CNTN4: variants seen among roughly 807,000 people sequenced by gnomAD.
The protein encoded by CNTN4 is contactin-4.
CNTN4 carries 77 observed loss-of-function variants against 122.5 expected under a neutral mutation model. The ratio of observed to expected loss-of-function variants is 0.63; its 90% confidence interval spans 0.52 to 0.76. The LOEUF is 0.76. CNTN4 is among the 30% of genes least tolerant of loss of function. The pLI, the probability that CNTN4 is intolerant of heterozygous loss-of-function variation, is 0.00. For missense variants in CNTN4, 1,256 were observed against 1,259.1 expected (o/e 1.00, Z 0.04); for synonymous variants, 512 against 447.0 (o/e 1.15, Z -1.83).
intron 3 of CNTN4, among the ~76,000 whole-genome samples, chr3:2,509,876 C>G (rs1284965348): frequency 1.3e-5 from 2 of 152,182 alleles, no homozygotes; most frequent in African/African-American, 4.8e-5. Flanking sequence ...TATAAAGACT[C>G]TTTCCCCACA....
intron 4 of CNTN4, among the ~76,000 whole-genome samples, chr3:2,576,651 G>A (rs1034402187): frequency 1.3e-5 from 2 of 151,270 alleles, no homozygotes; most frequent in Non-Finnish European, 2.9e-5. Context: ...AGGTTCAAGC[G>A]ATTCTACTGC....
At chr3:2,778,223 A>AATAC (rs1300910138) in intron 6 of CNTN4, among the ~76,000 whole-genome samples, 1 of 148,406 alleles carries the variant, frequency 6.7e-6, no homozygotes, top group Non-Finnish European at 1.5e-5. Context: ...CAAATAAATA[A>AATAC]ATAAATAAAT....
At chr3:2,730,982 G>A (rs200488885) in intron 4 of CNTN4, among the ~76,000 whole-genome samples, 2 of 151,500 alleles carry the variant, frequency 1.3e-5, no homozygotes, top group African/African-American at 4.8e-5. Context: ...ACCCGGCTGC[G>A]GAGAGGTGCT....
chr3:2,960,640 A>T (rs1194611699), intron 13 of CNTN4, among the ~76,000 whole-genome samples: 2 of 152,194 alleles, frequency 1.3e-5, no homozygotes, highest in Admixed American at 6.5e-5. Context: ...AAAGTTCATT[A>T]TATGAAAAAC....
intron 4 of CNTN4, among the ~76,000 whole-genome samples, chr3:2,684,256 A>G (rs934987674): frequency 6.6e-6 from 1 of 152,176 alleles, no homozygotes; most frequent in Non-Finnish European, 1.5e-5. Flanking sequence ...GAGTAAGATG[A>G]ATGAATCCCA....
chr3:2,106,730 C>T (rs1250968223), intron 2 of CNTN4, among the ~76,000 whole-genome samples: 2 of 152,212 alleles, frequency 1.3e-5, no homozygotes, highest in East Asian at 1.9e-4. Context: ...TGTCCTGGCT[C>T]CTCCTTACTT....
chr3:2,493,035 A>G (rs200411942), intron 3 of CNTN4, among the ~76,000 whole-genome samples: 2 of 152,208 alleles, frequency 1.3e-5, no homozygotes, highest in South Asian at 4.1e-4. Flanking sequence ...GGTAGTTCTT[A>G]AAAACAGCTG....
chr3:2,525,514 C>G (rs527911919), intron 3 of CNTN4, among the ~76,000 whole-genome samples: 9 of 152,154 alleles, frequency 5.9e-5, no homozygotes, highest in African/African-American at 2.2e-4. Context: ...ATCAAACAAG[C>G]AAGTATTTTA....
chr3:2,862,045 G>C (rs920817316), intron 7 of CNTN4, among the ~76,000 whole-genome samples: 1 of 152,188 alleles, frequency 6.6e-6, no homozygotes, highest in Non-Finnish European at 1.5e-5. Flanking sequence ...GTGTGATCAT[G>C]ATCCACTCAT....
At chr3:2,659,460 C>CAAAAAAAAAAAAAAAAAAAAAAAA (rs59025670) in intron 4 of CNTN4, among the ~76,000 whole-genome samples, 3 of 53,970 alleles carry the variant, frequency 5.6e-5, no homozygotes, top group African/African-American at 1.3e-4. Flanking sequence ...GACTCCATCT[C>CAAAAAAAAAAAAAAAAAAAAAAAA]AAAAAAAAAA....
At chr3:2,777,461 A>G (rs2091369254) in intron 6 of CNTN4, among the ~76,000 whole-genome samples, 1 of 152,240 alleles carries the variant, frequency 6.6e-6, no homozygotes, top group African/African-American at 2.4e-5. Flanking sequence ...GATTTGCTTT[A>G]GCTAATGTAC....
chr3:2,915,898 G>A (rs940444090), intron 12 of CNTN4, among the ~76,000 whole-genome samples: 1 of 152,174 alleles, frequency 6.6e-6, no homozygotes, highest in African/African-American at 2.4e-5. Context: ...TGAACCTTGA[G>A]GACATTATGC....
intron 2 of CNTN4, among the ~76,000 whole-genome samples, chr3:2,267,911 G>C (rs1463686725): frequency 6.6e-6 from 1 of 151,738 alleles, no homozygotes; most frequent in Admixed American, 6.6e-5. Flanking sequence ...ATTTCCTATG[G>C]AACCTGTTGA....
intron 3 of CNTN4, among the ~76,000 whole-genome samples, chr3:2,364,183 A>G (rs561277014): frequency 7.2e-5 from 11 of 152,170 alleles, no homozygotes; most frequent in Non-Finnish European, 1.3e-4. Context: ...TTTGAACTCT[A>G]CTGCTGAAAC....
chr3:2,495,555 A>G (rs1486218454), intron 3 of CNTN4, among the ~76,000 whole-genome samples: 1 of 152,220 alleles, frequency 6.6e-6, no homozygotes, highest in African/African-American at 2.4e-5. Context: ...ACCTGGCTGC[A>G]CAGCAGGAGA....
chr3:2,344,753 T>C (rs1189184064), intron 3 of CNTN4, among the ~76,000 whole-genome samples: 2 of 152,154 alleles, frequency 1.3e-5, no homozygotes, highest in African/African-American at 2.4e-5. Context: ...AAAATAAATA[T>C]CATGAACCTA....
At chr3:2,557,852 T>C (rs1170198582) in intron 3 of CNTN4, among the ~76,000 whole-genome samples, 2 of 152,140 alleles carry the variant, frequency 1.3e-5, no homozygotes, top group Admixed American at 6.5e-5. Flanking sequence ...AGTAACAACA[T>C]TGACTATATT....
At chr3:2,269,125 C>T (rs983417403) in intron 2 of CNTN4, among the ~76,000 whole-genome samples, 1 of 152,004 alleles carries the variant, frequency 6.6e-6, no homozygotes, top group African/African-American at 2.4e-5. Context: ...GTTGTGTCCC[C>T]AAAATTAGCA....
chr3:2,390,614 T>C (rs1022291819), intron 3 of CNTN4, among the ~76,000 whole-genome samples: 21 of 152,322 alleles, frequency 1.4e-4, no homozygotes, highest in Non-Finnish European at 2.6e-4. Context: ...GGTTCCACTT[T>C]TAGAATAACA....
Sources: allele counts gnomAD v4.1 joint callset (sites outside exome capture counted in the v4.1 genomes callset), GRCh38; gene constraint gnomAD v4.1.1; transcripts MANE v1.5; gene names NCBI Gene and HGNC (gene_info 2026-07-23, HGNC 2026-07-21).